The following FILIP1L variants were observed in gnomAD, a reference collection of about 807,000 sequenced individuals.
FILIP1L encodes the protein filamin A-interacting protein 1-like.
In FILIP1L, 55 loss-of-function variants were observed where a neutral mutation model predicts 96.6. The ratio of observed to expected loss-of-function variants is 0.57; its 90% CI spans 0.46 to 0.71. The LOEUF (loss-of-function observed/expected upper bound fraction) is 0.71, where lower values mean the gene tolerates loss of function less well. FILIP1L is among the 30% of genes least tolerant of loss of function. FILIP1L has a pLI of 0.00. For missense variants in FILIP1L, 1,304 were observed against 1,321.2 expected, an observed-to-expected ratio of 0.99 and a Z score of 0.20; for synonymous variants, 467 against 473.9, an observed-to-expected ratio of 0.99 and a Z score of 0.19.
intron 1 of FILIP1L, among the ~76,000 whole-genome samples, chr3:100,015,279 T>C (rs1262194510): frequency 6.6e-6 from 1 of 152,180 alleles, no homozygotes; most frequent in Non-Finnish European, 1.5e-5. Context: ...AGTACCATGC[T>C]GTTTTGATTA....
At chr3:100,094,631 A>G (rs151150759) in intron 1 of FILIP1L, among the ~76,000 whole-genome samples, 4 of 115,092 alleles carry the variant, frequency 3.5e-5, no homozygotes, top group African/African-American at 6.6e-5. Flanking sequence ...TTTTTTTCCT[A>G]TGGATGTCCA....
chr3:99,940,366 T>C (rs1707816472), intron 1 of FILIP1L, among the ~76,000 whole-genome samples: 1 of 152,246 alleles, frequency 6.6e-6, no homozygotes, highest in African/African-American at 2.4e-5. Context: ...CTTTCCATAT[T>C]TCTTCCAACT....
At chr3:100,018,570 A>G (rs540850275) in intron 1 of FILIP1L, among the ~76,000 whole-genome samples, 1 of 152,276 alleles carries the variant, frequency 6.6e-6, no homozygotes, top group South Asian at 2.1e-4. Flanking sequence ...TGAATTAAAG[A>G]CTAAAACTTA....
chr3:99,882,728 G>A (rs912997912), intron 4 of FILIP1L, among the ~76,000 whole-genome samples: 8 of 152,134 alleles, frequency 5.3e-5, no homozygotes, highest in African/African-American at 1.9e-4. Flanking sequence ...GGCACAAACA[G>A]TGTGATTAGT....
chr3:100,099,436 G>A (rs777866962), intron 1 of FILIP1L, among the ~76,000 whole-genome samples: 29 of 152,160 alleles, frequency 1.9e-4, no homozygotes, highest in Non-Finnish European at 3.1e-4. Context: ...CAAGGGTAAG[G>A]AAGGTAGAGG....
rs1707148198 is a variant in FILIP1L, at chr3:99,922,221, C to T, written c.605+2009G>A. Among the ~76,000 whole-genome samples, 3 of 152,160 alleles carry T rather than the reference C, an allele frequency of 2.0e-5. 1 individual carries two copies. ...AGTGTCTGTGTTCAGCAAGTTAGTG[C>T]CAAATAAGTATGGAGGCCAAATGAG... On this transcript the variant is annotated intron_variant, in intron 4 of 5. Coordinates refer to ENST00000477258, the MANE Select transcript of FILIP1L (RefSeq NM_001387850.1).
rs529533701 is a variant in FILIP1L, at chr3:99,829,557, T to A, written c.*857A>T. Among the ~76,000 whole-genome samples the A allele has an allele frequency of 6.6e-6, 1 of 152,232 alleles. No individual in the cohort carries two copies. The highest frequency in any genetic ancestry group is 1.5e-5 in the Non-Finnish European group (1 of 68,038). On this transcript the variant is annotated 3_prime_UTR_variant, in exon 6 of 6. Coordinates refer to ENST00000477258, the MANE Select transcript of FILIP1L (RefSeq NM_001387850.1). ...TACATGTGGAAACTCAAGGCTTAGA[T>A]TGATGAATGCAAAGCTCGTTGTCAC...
Position 100,045,518 on chromosome 3 carries a change from C to T in FILIP1L, c.-11+68535G>A, listed in dbSNP as rs564452920. On this transcript the variant is annotated intron_variant, in intron 1 of 5. Transcript: ENST00000477258. Reference sequence around the variant, plus strand: ...TAATTTTTAATTCCCAGGCATCCCTCCTCTCGCAAACACCTCCTATAATTC... The same window carrying T: ...TAATTTTTAATTCCCAGGCATCCCTTCTCTCGCAAACACCTCCTATAATTC... 2.1e-3 allele frequency among the ~76,000 whole-genome samples: 320 copies of T among 152,172 alleles called. 1 individual carries two copies. The highest frequency in any genetic ancestry group is 3.9e-3 in the Non-Finnish European group (266 of 68,014).
intron 1 of FILIP1L, among the ~76,000 whole-genome samples, chr3:99,960,802 A>C (rs887873131): frequency 2.6e-5 from 4 of 152,120 alleles, no homozygotes; most frequent in Non-Finnish European, 5.9e-5. Context: ...GAATACTGTT[A>C]ATTTATGTGC....
chr3:99,857,358 C>T (rs1214135225), intron 4 of FILIP1L, among the ~76,000 whole-genome samples: 2 of 152,164 alleles, frequency 1.3e-5, no homozygotes, highest in Admixed American at 6.6e-5. Context: ...TCTTCAGATC[C>T]CTGCATTAGA....
intron 1 of FILIP1L, among the ~76,000 whole-genome samples, chr3:100,035,732 A>G (rs1390612753): frequency 6.6e-6 from 1 of 152,206 alleles, no homozygotes; most frequent in Non-Finnish European, 1.5e-5. Flanking sequence ...TTTTATTGTA[A>G]TAGAAAAATT....
At chr3:100,035,465 G>T (rs2065092101) in intron 1 of FILIP1L, among the ~76,000 whole-genome samples, 1 of 152,092 alleles carries the variant, frequency 6.6e-6, no homozygotes, top group Admixed American at 6.6e-5. Context: ...TAGAGACAGG[G>T]TTTCACCATG....
intron 1 of FILIP1L, among the ~76,000 whole-genome samples, chr3:100,099,860 A>T: frequency 6.6e-6 from 1 of 152,198 alleles, no homozygotes; most frequent in East Asian, 1.9e-4. Context: ...AGAACATTCC[A>T]GGTGTGGTTA....
At chr3:99,961,512 C>G (rs1016883246) in intron 1 of FILIP1L, among the ~76,000 whole-genome samples, 2 of 152,052 alleles carry the variant, frequency 1.3e-5, no homozygotes, top group Admixed American at 1.3e-4. Context: ...TTCATTTTGC[C>G]AGCCCATGTG....
At chr3:99,985,169 C>A (rs144109412) in intron 1 of FILIP1L, among the ~76,000 whole-genome samples, 1 of 151,988 alleles carries the variant, frequency 6.6e-6, no homozygotes, top group Admixed American at 6.6e-5. Context: ...AAAAAATCAT[C>A]CTAGGGGGTC....
At chr3:100,048,851 G>A (rs1224724244) in intron 1 of FILIP1L, among the ~76,000 whole-genome samples, 2 of 152,022 alleles carry the variant, frequency 1.3e-5, no homozygotes, top group Non-Finnish European at 2.9e-5. Context: ...AAAATCTGTT[G>A]TGCAGAATTA....
At chr3:99,889,798 C>T (rs565929972) in intron 4 of FILIP1L, among the ~76,000 whole-genome samples, 190 of 152,002 alleles carry the variant, frequency 1.2e-3, no homozygotes, top group Non-Finnish European at 2.1e-3. Flanking sequence ...GTATATTAAT[C>T]CTCCTCCAAA....
At chr3:99,895,425 A>G (rs979195487) in intron 4 of FILIP1L, among the ~76,000 whole-genome samples, 1 of 149,800 alleles carries the variant, frequency 6.7e-6, no homozygotes, top group African/African-American at 2.5e-5. Context: ...ATGAATGGTA[A>G]TATTTGTGGC....
chr3:99,855,463 G>A (rs1176616308), intron 4 of FILIP1L, among the ~76,000 whole-genome samples: 2 of 152,184 alleles, frequency 1.3e-5, no homozygotes, highest in African/African-American at 2.4e-5. Context: ...ACATCTGTCG[G>A]TTCTAATTCT....
Sources: gnomAD v4.1 joint callset for allele counts (sites outside exome capture counted in the v4.1 genomes callset) on GRCh38, gnomAD v4.1.1 for gene constraint, MANE v1.5 for transcripts, NCBI Gene and HGNC (gene_info 2026-07-23, HGNC 2026-07-21) for gene names.